ELAPOR1: variants seen among roughly 807,000 people sequenced by gnomAD.
ELAPOR1 encodes the protein endosome-lysosome associated apoptosis and autophagy regulator 1.
A neutral mutation model predicts 119.7 loss-of-function variants in ELAPOR1; 77 were observed. The ratio of observed to expected loss-of-function variants is 0.64; its 90% CI spans 0.54 to 0.78. The LOEUF (loss-of-function observed/expected upper bound fraction) is 0.78. ELAPOR1 is among the 30% of genes least tolerant of loss of function. ELAPOR1 has a pLI of 0.00. For synonymous variants in ELAPOR1, 481 were observed against 487.2 expected (o/e 0.99, Z 0.17); for missense variants, 1,115 against 1,270.4 (o/e 0.88, Z 1.86).
chr1:109,161,625 C>G (rs1651264714), intron 1 of ELAPOR1: 1 of 261,524 alleles, frequency 3.8e-6, no homozygotes, highest in Non-Finnish European at 7.5e-6. Context: ...TTCCTCTGCT[C>G]CATAAGGACA....
rs1653298329 is a variant in ELAPOR1, at chr1:109,189,637, C to T, written c.1394C>T (p.Ser465Leu). ...GDHIYTAAGASDNDFMILTLV... is the reference protein window; with the variant it reads ...GDHIYTAAGALDNDFMILTLV... The stretch of plus-strand genomic sequence containing the variant: ...CACATTTACACAGCTGCTGGAGCCT[C>T]AGACAATGACTTCATGATTCTCACT... Residue 465 changes from serine to leucine, a missense_variant, in exon 11 of 22, where the codon TCA (serine) becomes TTA (leucine). Transcript: ENST00000369939. 1 of 1,614,184 alleles carries T rather than the reference C, an allele frequency of 6.2e-7. No individual in the cohort carries two copies.
intron 1 of ELAPOR1, among the ~76,000 whole-genome samples, chr1:109,126,414 A>G (rs1222041582): frequency 6.6e-6 from 1 of 152,236 alleles, no homozygotes; most frequent in Non-Finnish European, 1.5e-5. Context: ...ACAGGAAAGT[A>G]CAAGTAAAGA....
intron 1 of ELAPOR1, among the ~76,000 whole-genome samples, chr1:109,133,084 A>G (rs112096438): frequency 0.25 from 37,512 of 151,728 alleles, 5,589 homozygotes; most frequent in African/African-American, 0.41. Context: ...ATAAAAATTA[A>G]CCAGGCATGG....
intron 2 of ELAPOR1, among the ~76,000 whole-genome samples, chr1:109,163,106 A>G: frequency 6.6e-6 from 1 of 152,234 alleles, no homozygotes; most frequent in East Asian, 1.9e-4. Flanking sequence ...AGAGTTACGA[A>G]TATTTAGGGA....
At chr1:109,160,736 A>C (rs1651196248) in intron 1 of ELAPOR1, among the ~76,000 whole-genome samples, 1 of 152,210 alleles carries the variant, frequency 6.6e-6, no homozygotes, top group African/African-American at 2.4e-5. Context: ...TCTGGGCTTG[A>C]ATATAGTTTT....
chr1:109,187,177 C>A (rs1017012386), intron 8 of ELAPOR1: 2 of 985,458 alleles, frequency 2.0e-6, no homozygotes, highest in Non-Finnish European at 2.4e-6. Context: ...TCTCAGGGAC[C>A]AGGATGGCCC....
At chr1:109,170,584 A>T (rs545838560) in intron 3 of ELAPOR1, among the ~76,000 whole-genome samples, 2 of 152,276 alleles carry the variant, frequency 1.3e-5, no homozygotes, top group Admixed American at 1.3e-4. Context: ...AGGTAAGAGA[A>T]AGCTTGGCAG....
At chr1:109,189,543 G>A in intron 10 of ELAPOR1, 49 bp from the exon 11 acceptor site, 1 of 1,523,298 alleles carries the variant, frequency 6.6e-7, no homozygotes, top group Non-Finnish European at 9.1e-7. Flanking sequence ...GTGCACATTT[G>A]CCTTGCACCC....
chr1:109,176,848 A>G (rs1652323147), intron 7 of ELAPOR1, among the ~76,000 whole-genome samples: 1 of 141,860 alleles, frequency 7.0e-6, no homozygotes, highest in Non-Finnish European at 1.5e-5. Context: ...TTAACAAAGC[A>G]CATCTTGCAC....
intron 1 of ELAPOR1, among the ~76,000 whole-genome samples, chr1:109,159,369 G>T (rs1439623624): frequency 6.6e-6 from 1 of 152,226 alleles, no homozygotes; most frequent in African/African-American, 2.4e-5. Context: ...CCTCCCACCT[G>T]AGTGAGACCC....
chr1:109,188,394 T>G (rs1195840217), intron 9 of ELAPOR1, 40 bp downstream of exon 9: 1 of 1,575,024 alleles, frequency 6.3e-7, no homozygotes, highest in Non-Finnish European at 8.7e-7. Context: ...GCACATCGAC[T>G]GTGTGGGTGG....
rs192744103 is a variant in ELAPOR1 at position 109,155,475 on chromosome 1, G to T, written c.154-6419G>T. 6.7e-3 allele frequency among the ~76,000 whole-genome samples: 1,014 copies of T among 152,244 alleles called. 18 individuals carry two copies. Among genetic ancestry groups the T allele is most frequent in the African/African-American group, 0.023 (968 of 41,536 alleles). ...TTACAGGCGTGAGCCACCAAGCCCG[G>T]CCGTGAACATCATTTTCTTAGAATG... On this transcript the variant is annotated intron_variant, in intron 1 of 21. Coordinates refer to ENST00000369939, the MANE Select transcript of ELAPOR1 (RefSeq NM_020775.5).
intron 1 of ELAPOR1, among the ~76,000 whole-genome samples, chr1:109,154,996 GATGTGTGTTT>G (rs1365319333): frequency 2.0e-5 from 3 of 152,058 alleles, no homozygotes; most frequent in Non-Finnish European, 2.9e-5. Flanking sequence ...ACCTCTTTGG[GATGTGTGTTT>G]ATGTGTGTTT....
intron 1 of ELAPOR1, among the ~76,000 whole-genome samples, chr1:109,127,390 T>C (rs1354998488): frequency 6.6e-6 from 1 of 151,684 alleles, no homozygotes; most frequent in Admixed American, 6.6e-5. Flanking sequence ...AATTTTTTTG[T>C]ATTTTAGTAG....
At chr1:109,124,865 T>C (rs1648669465) in intron 1 of ELAPOR1, among the ~76,000 whole-genome samples, 1 of 152,188 alleles carries the variant, frequency 6.6e-6, no homozygotes. Context: ...TAGGGGTTAT[T>C]ACTTCAGTTG....
chr1:109,173,177 G>A (rs1652029811), intron 5 of ELAPOR1, among the ~76,000 whole-genome samples: 1 of 151,950 alleles, frequency 6.6e-6, no homozygotes, highest in African/African-American at 2.4e-5. Context: ...AAGAATGAGG[G>A]AGTGCCAGTC....
intron 1 of ELAPOR1, among the ~76,000 whole-genome samples, chr1:109,123,906 G>A (rs183566440): frequency 6.6e-6 from 1 of 152,098 alleles, no homozygotes; most frequent in Admixed American, 6.5e-5. Flanking sequence ...GGGTTCAAGC[G>A]ATTCTCCTGC....
intron 1 of ELAPOR1, among the ~76,000 whole-genome samples, chr1:109,137,347 G>A (rs564261116): frequency 9.5e-4 from 144 of 151,316 alleles, no homozygotes; most frequent in African/African-American, 3.2e-3. Context: ...GGGACTACAG[G>A]CATGCACCAT....
At chr1:109,144,061 A>ATATATATATATATATATATATATATTTTT in intron 1 of ELAPOR1, among the ~76,000 whole-genome samples, 1 of 89,018 alleles carries the variant, frequency 1.1e-5, no homozygotes, top group African/African-American at 4.8e-5. Flanking sequence ...ATATTTATAT[A>ATATATATATATATATATATATATATTTTT]TTTTTTTTTT....
Sources: allele counts gnomAD v4.1 joint callset (sites outside exome capture counted in the v4.1 genomes callset), GRCh38; gene constraint gnomAD v4.1.1; transcripts MANE v1.5; gene names NCBI Gene and HGNC (gene_info 2026-07-23, HGNC 2026-07-21).